Variants in TLN2 observed in about 807,000 individuals in gnomAD.
The protein encoded by TLN2 is talin-2.
A neutral mutation model predicts 294.7 loss-of-function variants in TLN2; 118 were observed. That is an observed-to-expected ratio of 0.40 (90% CI 0.34 to 0.47). TLN2 has a LOEUF of 0.47. Among genes scored for constraint, TLN2 ranks in the 20% least tolerant of loss-of-function variants. The pLI, the probability that TLN2 is intolerant of heterozygous loss-of-function variation, is 0.84. For synonymous variants in TLN2, 1,431 were observed against 1,304.5 expected, an observed-to-expected ratio of 1.10 and a Z score of -2.09; for missense variants, 3,083 against 3,282.2, an observed-to-expected ratio of 0.94 and a Z score of 1.48.
intron 3 of TLN2, among the ~76,000 whole-genome samples, chr15:62,618,801 T>C (rs560521498): frequency 5.9e-5 from 9 of 152,336 alleles, no homozygotes; most frequent in East Asian, 1.9e-4. Context: ...GAGTGAAATA[T>C]TGTACTGGAG....
intron 1 of TLN2, among the ~76,000 whole-genome samples, chr15:62,393,565 A>G (rs1430832875): frequency 3.3e-5 from 5 of 152,216 alleles, no homozygotes; most frequent in Non-Finnish European, 7.3e-5. Flanking sequence ...CTAGAGCAGT[A>G]AAGGACGATT....
At chr15:62,835,405 A>G (rs1403599787) in intron 55 of TLN2, 7 of 336,642 alleles carry the variant, frequency 2.1e-5, no homozygotes, top group Admixed American at 4.4e-5. Flanking sequence ...AAATGGAGAA[A>G]GCTCAGCAGA....
At chr15:62,503,361 C>A (rs1443557021) in intron 1 of TLN2, among the ~76,000 whole-genome samples, 1 of 152,160 alleles carries the variant, frequency 6.6e-6, no homozygotes, top group African/African-American at 2.4e-5. Context: ...TTCTTCACAT[C>A]TTTGTGTGTG....
chr15:62,703,263 C>T (rs752458867), intron 19 of TLN2, among the ~76,000 whole-genome samples: 38 of 151,884 alleles, frequency 2.5e-4, no homozygotes, highest in African/African-American at 8.0e-4. Context: ...CCACCATGCC[C>T]GGCTAATTTT....
chr15:62,655,854 A>C, intron 7 of TLN2, 90 bp from the exon 8 acceptor site: 1 of 1,421,004 alleles, frequency 7.0e-7, no homozygotes, highest in Non-Finnish European at 9.7e-7. Context: ...AGAGATACAG[A>C]AATCTGCATC....
chr15:62,429,999 G>T (rs2034930079), intron 1 of TLN2, among the ~76,000 whole-genome samples: 1 of 152,034 alleles, frequency 6.6e-6, no homozygotes, highest in Non-Finnish European at 1.5e-5. Flanking sequence ...TAAGAAAAAA[G>T]GTTTTGATTT....
chr15:62,691,294 A>T (rs375703046), intron 12 of TLN2, among the ~76,000 whole-genome samples: 1 of 151,826 alleles, frequency 6.6e-6, no homozygotes, highest in African/African-American at 2.4e-5. Context: ...TCTTTTCTCT[A>T]TATTGTTCAG....
At chr15:62,831,556 G>A (rs1341564017) in intron 54 of TLN2, 6 of 151,974 alleles carry the variant, frequency 3.9e-5, no homozygotes. Flanking sequence ...TTATACGAGA[G>A]TGTCTTACAA....
intron 28 of TLN2, among the ~76,000 whole-genome samples, chr15:62,736,396 T>C (rs2061016017): frequency 6.6e-6 from 1 of 152,118 alleles, no homozygotes; most frequent in Non-Finnish European, 1.5e-5. Flanking sequence ...AAGGGAGCAT[T>C]GACTGGCACA....
Position 62,716,471 on chromosome 15 carries a change from G to C in TLN2, c.2763+12G>C, listed in dbSNP as rs757606789. 3.1e-6 allele frequency: 5 copies of C among 1,589,092 alleles called. No individual in the cohort carries two copies. In the African/African-American group the frequency reaches 4.1e-5, roughly 13 times the overall value. ...TCAACCGACTGGAGGTAAGGAAAGA[G>C]GCTGCCTTTCTGGGATGCCCATCTT... On this transcript the variant is annotated intron_variant, in intron 23 of 58. Transcript: ENST00000636159.
At chr15:62,627,413 C>A (rs1313192027) in intron 3 of TLN2, among the ~76,000 whole-genome samples, 1 of 152,050 alleles carries the variant, frequency 6.6e-6, no homozygotes, top group Non-Finnish European at 1.5e-5. Context: ...GGGGGCTAGC[C>A]AAAGAGGGAA....
chr15:62,478,192 G>A lies in TLN2; in HGVS notation c.-238+87507G>A, dbSNP rs917812652. Among the ~76,000 whole-genome samples, 3 of 152,124 alleles carry A rather than the reference G, an allele frequency of 2.0e-5. No individual in the cohort carries two copies. The East Asian group carries it at 5.8e-4, about 29-fold the overall frequency. On this transcript the variant is annotated intron_variant, in intron 1 of 58. Transcript: ENST00000636159. Reference sequence around the variant, plus strand: ...AGGACTGAAGGAACTCACCCAGTGGGTCACACAGCGAGAGTGTGCAGTCAG... The same window carrying A: ...AGGACTGAAGGAACTCACCCAGTGGATCACACAGCGAGAGTGTGCAGTCAG...
chr15:62,799,029 T>G (rs915143233), intron 48 of TLN2, among the ~76,000 whole-genome samples: 1 of 152,190 alleles, frequency 6.6e-6, no homozygotes, highest in East Asian at 1.9e-4. Flanking sequence ...TCTTAATACG[T>G]TGTCACATCT....
chr15:62,471,567 A>G (rs974161506), intron 1 of TLN2, among the ~76,000 whole-genome samples: 1 of 152,054 alleles, frequency 6.6e-6, no homozygotes. Flanking sequence ...TGGCCCCTTC[A>G]TACTGCTCTA....
At chr15:62,700,991 T>C (rs2058683462) in intron 16 of TLN2, 115 bp from the exon 17 acceptor site, 3 of 853,230 alleles carry the variant, frequency 3.5e-6, no homozygotes. Flanking sequence ...CTGTCGGTGC[T>C]GGCCTCATAA....
At chr15:62,490,200 A>G (rs1006960289) in intron 1 of TLN2, among the ~76,000 whole-genome samples, 4 of 152,088 alleles carry the variant, frequency 2.6e-5, no homozygotes, top group African/African-American at 9.7e-5. Flanking sequence ...GATAGCTAAC[A>G]TCATGCGATA....
intron 1 of TLN2, among the ~76,000 whole-genome samples, chr15:62,472,419 C>T (rs1288206077): frequency 2.0e-5 from 3 of 152,194 alleles, no homozygotes; most frequent in African/African-American, 4.8e-5. Flanking sequence ...CGGCTCCCTT[C>T]GCCTCTGGAC....
At chr15:62,567,418 T>C (rs1018431302) in intron 1 of TLN2, among the ~76,000 whole-genome samples, 1 of 152,134 alleles carries the variant, frequency 6.6e-6, no homozygotes, top group South Asian at 2.1e-4. Context: ...CGAAAAATAG[T>C]GTAAAGCTCT....
At chr15:62,733,721 A>T (rs1435721945) in intron 28 of TLN2, among the ~76,000 whole-genome samples, 3 of 152,176 alleles carry the variant, frequency 2.0e-5, no homozygotes, top group Non-Finnish European at 4.4e-5. Flanking sequence ...CCTGTATAAG[A>T]CTCTGTTACT....
Sources: allele counts gnomAD v4.1 joint callset (sites outside exome capture counted in the v4.1 genomes callset), GRCh38; gene constraint gnomAD v4.1.1; transcripts MANE v1.5; gene names NCBI Gene and HGNC (gene_info 2026-07-23, HGNC 2026-07-21).